The following CFAP47 variants were observed in gnomAD, a reference collection of about 807,000 sequenced individuals.
CFAP47 encodes cilia- and flagella-associated protein 47.
In CFAP47, 29 loss-of-function variants were observed where a neutral mutation model predicts 148.1. The observed-to-expected ratio is 0.20, with a 90% CI of 0.15 to 0.27. The LOEUF (loss-of-function observed/expected upper bound fraction) is 0.27. CFAP47 is among the 10% of genes least tolerant of loss of function. The probability of loss-of-function intolerance (pLI) is 1.00; values close to 1 mark genes in which losing one functional copy is unlikely to be tolerated. For synonymous variants in CFAP47, 664 were observed against 577.3 expected (o/e 1.15, Z -2.15); for missense variants, 1,872 against 1,697.5 (o/e 1.10, Z -1.81).
Position 36,029,920 on chromosome X carries a change from CT to C in CFAP47, c.3557-1332del, listed in dbSNP as rs747954805. Among the ~76,000 whole-genome samples, 588 of 109,864 alleles carry C rather than the reference CT, an allele frequency of 5.4e-3. 6 individuals are homozygous for C. The highest frequency in any genetic ancestry group is 0.019 in the African/African-American group (564 of 30,439). Reference sequence around the variant, plus strand: ...TATTTACTAATTATTTATTTATAGCCTGTTATTTTTGGAAAATAATACCTTT... The same window carrying C: ...TATTTACTAATTATTTATTTATAGCCGTTATTTTTGGAAAATAATACCTTT... On this transcript the variant is annotated intron_variant, in intron 22 of 63. Transcript: ENST00000378653.
chrX:36,267,094 A>G (rs142027390), intron 49 of CFAP47, among the ~76,000 whole-genome samples: 101 of 112,108 alleles, frequency 9.0e-4, no homozygotes, highest in African/African-American at 3.1e-3. Context: ...CTTATTGACC[A>G]TAGTACCACA....
At chrX:36,112,875 A>T (rs867581269) in intron 33 of CFAP47, among the ~76,000 whole-genome samples, 108 of 110,785 alleles carry the variant, frequency 9.7e-4, no homozygotes, top group African/African-American at 3.5e-3. Context: ...GTCTCTTTTG[A>T]TCTGCTTTGG....
Position 36,301,102 on chromosome X carries a change from G to A in CFAP47, c.7893G>A (p.Glu2631=), listed in dbSNP as rs781918800. 2 of 1,157,814 alleles carry A rather than the reference G, an allele frequency of 1.7e-6. No homozygotes were observed. Among genetic ancestry groups the A allele is most frequent in the South Asian group, 3.9e-5 (2 of 51,738 alleles). The change falls in exon 53 of 64, where the codon GAG becomes GAA. Residue 2631 remains glutamate (E), a synonymous_variant. Transcript: ENST00000378653. ...SIIFQPEMAE[E]FWYLLKLTIE... ...TTTTTCAGCCTGAAATGGCTGAAGA[G>A]TTCTGGTATTTACTGAAGTTAACTA...
chrX:36,265,828 G>A (rs1461493972), intron 49 of CFAP47, among the ~76,000 whole-genome samples: 1 of 111,691 alleles, frequency 9.0e-6, no homozygotes, highest in Non-Finnish European at 1.9e-5. Flanking sequence ...CCATCTGTGA[G>A]GGCTGATGTT....
At position 36,235,914 on chromosome X, in the gene CFAP47, G is replaced by C; in HGVS notation, c.7015-20G>C. On this transcript the variant is annotated intron_variant, in intron 46 of 63. Coordinates refer to ENST00000378653, the MANE Select transcript of CFAP47 (RefSeq NM_001304548.2). ...TCAATATCATCTCTCTGATATTTCT[G>C]TACCTTTTTCATGCTTTAGAAAAAT... The C allele has an allele frequency of 2.2e-6, 1 of 462,887 alleles. No homozygotes were observed. Among genetic ancestry groups the C allele is most frequent in the Non-Finnish European group, 3.9e-6 (1 of 259,012 alleles). 38.1% of individuals were successfully genotyped at this position (462,887 alleles called of 1,213,427 possible). A position where few individuals can be genotyped will look rare whatever the true frequency, so the allele number is the denominator to read the frequency against.
chrX:36,065,132 T>C (rs917694703), intron 26 of CFAP47, among the ~76,000 whole-genome samples: 6 of 111,880 alleles, frequency 5.4e-5, no homozygotes, highest in African/African-American at 1.9e-4. Context: ...GAAAAAATAA[T>C]GACTGTATTT....
At chrX:36,319,909 T>C (rs1556011728) in intron 57 of CFAP47, among the ~76,000 whole-genome samples, 1 of 111,375 alleles carries the variant, frequency 9.0e-6, no homozygotes, top group Non-Finnish European at 1.9e-5. Flanking sequence ...CACTGCAACC[T>C]CTGCCTCCCA....
At chrX:36,172,571 C>CT (rs1225927693) in intron 39 of CFAP47, among the ~76,000 whole-genome samples, 1 of 110,459 alleles carries the variant, frequency 9.1e-6, no homozygotes, top group Admixed American at 9.6e-5. Flanking sequence ...TGGTTTTTGT[C>CT]TTTGGTTCTG....
chrX:35,979,857 G>A (rs1406247151), intron 15 of CFAP47, among the ~76,000 whole-genome samples: 1 of 112,035 alleles, frequency 8.9e-6, no homozygotes, highest in Non-Finnish European at 1.9e-5. Context: ...TTCCTCCCTA[G>A]TTAGAATAGA....
rs1339371613 is a variant in CFAP47, at chrX:36,149,203, T to G, written c.5766T>G (p.Asn1922Lys). Residue 1922 changes from asparagine to lysine, a missense_variant, in exon 37 of 64, where the codon AAT becomes AAG. Asn to Lys is a moderately conservative substitution (Grantham distance 94). Coordinates refer to ENST00000378653, the MANE Select transcript of CFAP47 (RefSeq NM_001304548.2). Reference protein sequence around the residue: ...AADFSLSQKGNVVTISPRNEI... With the variant: ...AADFSLSQKGKVVTISPRNEI... ...ACTTCTCCCTTTCCCAAAAAGGGAA[T>G]GTTGTGACAATTTCTCCAAGGTAAG... The G allele has an allele frequency of 6.8e-6, 2 of 294,234 alleles. No individual in the cohort carries two copies. The highest frequency in any genetic ancestry group is 1.2e-5 in the Non-Finnish European group (2 of 169,288). The allele number at this position is 294,234 out of a possible 1,213,427, so 24.2% of individuals were successfully genotyped here.
At chrX:36,371,926 A>G (rs1176038129) in intron 62 of CFAP47, among the ~76,000 whole-genome samples, 2 of 95,978 alleles carry the variant, frequency 2.1e-5, no homozygotes, top group African/African-American at 3.9e-5. Flanking sequence ...ATATATGTGT[A>G]TATACACACA....
intron 33 of CFAP47, among the ~76,000 whole-genome samples, chrX:36,114,512 G>C (rs901021675): frequency 5.4e-5 from 6 of 111,765 alleles, no homozygotes; most frequent in Non-Finnish European, 9.4e-5. Context: ...TCACCTTTGG[G>C]TGTTTTTTCT....
intron 26 of CFAP47, among the ~76,000 whole-genome samples, chrX:36,051,963 G>GCA (rs1230136886): frequency 9.0e-6 from 1 of 111,316 alleles, no homozygotes; most frequent in Non-Finnish European, 1.9e-5. Flanking sequence ...CAGTTCTCTT[G>GCA]CACACACTCT....
intron 62 of CFAP47, among the ~76,000 whole-genome samples, chrX:36,377,444 A>G (rs185889779): frequency 3.1e-4 from 35 of 112,106 alleles, no homozygotes; most frequent in Non-Finnish European, 6.0e-4. Flanking sequence ...GTCTGTTTGT[A>G]TCCTTCACCC....
chrX:36,306,662 AC>A, intron 54 of CFAP47, 109 bp from the exon 55 acceptor site: 1 of 406,191 alleles, frequency 2.5e-6, no homozygotes, highest in Non-Finnish European at 4.4e-6. Flanking sequence ...GCAAGACAAC[AC>A]ATTAATCACA....
At chrX:36,050,953 G>A (rs1937517790) in intron 26 of CFAP47, among the ~76,000 whole-genome samples, 2 of 112,636 alleles carry the variant, frequency 1.8e-5, no homozygotes, top group African/African-American at 6.4e-5. Context: ...GAGGGTGCAA[G>A]TCCCAAGCCT....
At chrX:35,923,202 T>G (rs1005640792) in intron 1 of CFAP47, among the ~76,000 whole-genome samples, 1 of 111,276 alleles carries the variant, frequency 9.0e-6, no homozygotes, top group African/African-American at 3.3e-5. Flanking sequence ...CAGATAGATA[T>G]GTTTTTGAGT....
intron 21 of CFAP47, among the ~76,000 whole-genome samples, chrX:36,002,208 G>A (rs188813855): frequency 9.0e-6 from 1 of 111,260 alleles, no homozygotes; most frequent in Non-Finnish European, 1.9e-5. Flanking sequence ...AGAAGGAAGG[G>A]AGACCACTGG....
At chrX:36,313,177 T>C (rs906087026) in intron 56 of CFAP47, among the ~76,000 whole-genome samples, 2 of 111,302 alleles carry the variant, frequency 1.8e-5, no homozygotes, top group Admixed American at 1.9e-4. Flanking sequence ...AGATTAATAC[T>C]ATATTAGTTC....
Sources: gnomAD v4.1 joint callset for allele counts (sites outside exome capture counted in the v4.1 genomes callset) on GRCh38, gnomAD v4.1.1 for gene constraint, MANE v1.5 for transcripts, NCBI Gene and HGNC (gene_info 2026-07-23, HGNC 2026-07-21) for gene names.